C12orf42: variants seen among roughly 807,000 people sequenced by gnomAD.
C12orf42 encodes the protein chromosome 12 open reading frame 42, also known as uncharacterized protein C12orf42.
C12orf42 carries 25 observed loss-of-function variants against 21.6 expected under a neutral mutation model. The ratio of observed to expected loss-of-function variants is 1.16; its 90% CI spans 0.84 to 1.62. The LOEUF (loss-of-function observed/expected upper bound fraction) is 1.62, where lower values mean the gene tolerates loss of function less well. C12orf42 is among the 40% of genes most tolerant of loss of function. C12orf42 has a pLI of 0.00. For synonymous variants in C12orf42, 174 were observed against 175.0 expected (o/e 0.99, Z 0.05); for missense variants, 483 against 459.3 (o/e 1.05, Z -0.47).
downstream of C12orf42, among the ~76,000 whole-genome samples, chr12:103,264,202 G>C (rs1045789932): frequency 8.5e-5 from 13 of 152,212 alleles, no homozygotes; most frequent in African/African-American, 1.2e-4. Flanking sequence ...CCACTTAGGA[G>C]GATTCTAAGT....
At chr12:103,495,533 C>T (rs1041634108) in intron 1 of C12orf42, among the ~76,000 whole-genome samples, 11 of 151,992 alleles carry the variant, frequency 7.2e-5, no homozygotes, top group East Asian at 3.9e-4. Context: ...GGGCCGCGCT[C>T]GCCTCCGCGG....
At chr12:103,131,543 C>A in the C12orf42 span, among the ~76,000 whole-genome samples, 1 of 152,168 alleles carries the variant, frequency 6.6e-6, no homozygotes, top group African/African-American at 2.4e-5. Context: ...TGAGGTAAAG[C>A]CCCATATCTC....
intron 2 of C12orf42, among the ~76,000 whole-genome samples, chr12:103,402,863 G>C (rs1330678587): frequency 6.6e-6 from 1 of 152,176 alleles, no homozygotes; most frequent in Non-Finnish European, 1.5e-5. Context: ...AAAATTACTA[G>C]AATCTGGAGT....
the C12orf42 span, chr12:103,167,908 GTGTGTTTGTGTC>G: frequency 3.7e-5 from 10 of 271,516 alleles, no homozygotes; most frequent in East Asian, 4.1e-4. Flanking sequence ...GTGTGTGTGT[GTGTGTTTGTGTC>G]TGTGTGTGTG....
the C12orf42 span, among the ~76,000 whole-genome samples, chr12:103,170,577 CT>C: frequency 9.0e-6 from 1 of 111,476 alleles, no homozygotes; most frequent in Non-Finnish European, 2.0e-5. Flanking sequence ...TAGTATGATC[CT>C]TTAAAAAAAA....
intron 5 of C12orf42, chr12:103,277,119 C>A (rs574551498): frequency 1.4e-4 from 65 of 455,566 alleles, no homozygotes; most frequent in South Asian, 1.0e-3. Flanking sequence ...CAACAACTTA[C>A]GCTAGCAAAA....
chr12:103,078,485 C>T, the C12orf42 span, among the ~76,000 whole-genome samples: 1 of 152,140 alleles, frequency 6.6e-6, no homozygotes, highest in Non-Finnish European at 1.5e-5. Flanking sequence ...AGAGCTACCA[C>T]CTAAAGGACC....
At chr12:103,151,351 TA>T in the C12orf42 span, among the ~76,000 whole-genome samples, 5 of 151,522 alleles carry the variant, frequency 3.3e-5, no homozygotes, top group African/African-American at 1.2e-4. Context: ...AGTATATATA[TA>T]CATATAGAAA....
At chr12:103,408,463 ATCTTC>A (rs1384249553) in intron 2 of C12orf42, among the ~76,000 whole-genome samples, 7 of 152,326 alleles carry the variant, frequency 4.6e-5, no homozygotes. Flanking sequence ...CCTAATTCTA[ATCTTC>A]TCTTCAAGGA....
At chr12:103,399,824 CACAGAG>C (rs929184844) in intron 3 of C12orf42, among the ~76,000 whole-genome samples, 2 of 152,044 alleles carry the variant, frequency 1.3e-5, no homozygotes, top group African/African-American at 4.8e-5. Flanking sequence ...TACACACAGA[CACAGAG>C]ACAGAGACAC....
At chr12:103,423,608 T>C (rs562287087) in intron 2 of C12orf42, among the ~76,000 whole-genome samples, 181 of 152,348 alleles carry the variant, frequency 1.2e-3, no homozygotes, top group African/African-American at 4.1e-3. Context: ...GTACATGTGC[T>C]TCCATTGCAT....
chr12:103,407,532 TTAA>T (rs1481711279), intron 2 of C12orf42, among the ~76,000 whole-genome samples: 4 of 152,230 alleles, frequency 2.6e-5, no homozygotes, highest in South Asian at 2.1e-4. Context: ...TATGATTTTC[TTAA>T]TAACATCTTT....
At chr12:103,187,403 G>T in the C12orf42 span, among the ~76,000 whole-genome samples, 1 of 152,152 alleles carries the variant, frequency 6.6e-6, no homozygotes, top group African/African-American at 2.4e-5. Flanking sequence ...AATACAGGCT[G>T]TCTGGCCCTA....
At chr12:103,356,787 A>AT (rs35426650) in intron 4 of C12orf42, among the ~76,000 whole-genome samples, 1 of 151,720 alleles carries the variant, frequency 6.6e-6, no homozygotes, top group African/African-American at 2.4e-5. Context: ...GATGGTGAGC[A>AT]TTTTTTCACG....
At chr12:103,072,006 T>C in the C12orf42 span, among the ~76,000 whole-genome samples, 1 of 152,182 alleles carries the variant, frequency 6.6e-6, no homozygotes. Context: ...TACAGCATCA[T>C]CTCTATCTGT....
chr12:103,412,675 G>A (rs943383276), intron 2 of C12orf42, among the ~76,000 whole-genome samples: 1 of 152,122 alleles, frequency 6.6e-6, no homozygotes, highest in African/African-American at 2.4e-5. Flanking sequence ...AGTCTGAGAT[G>A]GCATCTCACC....
At chr12:103,282,429 T>A (rs57441030) in intron 4 of C12orf42, among the ~76,000 whole-genome samples, 6,128 of 152,276 alleles carry the variant, frequency 0.04, 402 homozygotes, top group African/African-American at 0.14. Context: ...TTAGATATGT[T>A]TAGATACAAT....
chr12:103,117,155 GTTTGT>G, the C12orf42 span, among the ~76,000 whole-genome samples: 6 of 152,274 alleles, frequency 3.9e-5, no homozygotes, highest in African/African-American at 9.6e-5. Flanking sequence ...CCAGCTGTAA[GTTTGT>G]TTTATCTTTT....
the C12orf42 span, among the ~76,000 whole-genome samples, chr12:103,211,808 G>A: frequency 6.6e-6 from 1 of 152,300 alleles, no homozygotes; most frequent in Middle Eastern, 3.4e-3. Context: ...ATGGTACACA[G>A]TAATAGATAA....
Sources: gnomAD v4.1 joint callset for allele counts (sites outside exome capture counted in the v4.1 genomes callset) on GRCh38, gnomAD v4.1.1 for gene constraint, MANE v1.5 for transcripts, NCBI Gene and HGNC (gene_info 2026-07-23, HGNC 2026-07-21) for gene names.